The following TMPRSS9 variants were observed in gnomAD, a reference collection of about 807,000 sequenced individuals.
TMPRSS9 encodes transmembrane serine protease 9, also known as transmembrane protease serine 9.
Under a neutral mutation model 111.4 loss-of-function variants are expected in TMPRSS9, and 113 were observed. That is an observed-to-expected ratio of 1.01 (90% CI 0.87 to 1.19). The LOEUF (loss-of-function observed/expected upper bound fraction) is 1.19. Ranked by LOEUF, TMPRSS9 falls within the 50% of genes most tolerant of loss-of-function variation. The probability of loss-of-function intolerance (pLI) is 0.00; values close to 1 mark genes in which losing one functional copy is unlikely to be tolerated. For synonymous variants in TMPRSS9, 805 were observed against 659.1 expected, an observed-to-expected ratio of 1.22 and a Z score of -3.39; for missense variants, 1,803 against 1,513.1, an observed-to-expected ratio of 1.19 and a Z score of -3.18.
chr19:2,405,331 C>A (rs762729708), intron 6 of TMPRSS9, 43 bp from the exon 8 acceptor site: 7 of 1,544,812 alleles, frequency 4.5e-6, no homozygotes, highest in South Asian at 3.6e-5. Context: ...AGGGTGAGGT[C>A]CTGCCTTCGT....
rs545561295 is a variant in TMPRSS9 at position 2,418,250 on chromosome 19, C to T, written c.2154+112C>T. The T allele has an allele frequency of 5.3e-6, 6 of 1,136,728 alleles. 1 individual carries two copies. In the Admixed American group the frequency reaches 8.9e-5, roughly 17 times the overall value. 70.4% of individuals were successfully genotyped at this position (1,136,728 alleles called of 1,614,324 possible). A position where few individuals can be genotyped will look rare whatever the true frequency, so the allele number is the denominator to read the frequency against. ...ATTTTTTTCCTTTCTTTCCTTCCCCCCCTCCTTCCCTCCTTGTCCTTCCCT... is the reference window on the plus strand; with the variant it reads ...ATTTTTTTCCTTTCTTTCCTTCCCCTCCTCCTTCCCTCCTTGTCCTTCCCT... On this transcript the variant is annotated intron_variant, in intron 13 of 17. Coordinates refer to ENST00000648592, the Ensembl canonical transcript of TMPRSS9.
intron 14 of TMPRSS9, among the ~76,000 whole-genome samples, chr19:2,423,454 G>A (rs1038666738): frequency 8.0e-5 from 11 of 137,490 alleles, no homozygotes; most frequent in African/African-American, 1.3e-4. Flanking sequence ...GTTGGATGGC[G>A]GTTGGTGGGG....
At position 2,420,813 on chromosome 19, in the gene TMPRSS9, C is replaced by T. The variant is rs1006690786; in HGVS notation, c.2155-1041C>T. 2.6e-5 allele frequency among the ~76,000 whole-genome samples: 4 copies of T among 152,094 alleles called. No individual in the cohort carries two copies. In the South Asian group the frequency reaches 6.2e-4, roughly 24 times the overall value. On this transcript the variant is annotated intron_variant, in intron 13 of 17. Transcript: ENST00000648592. ...CATTATATTTGTTCTTTATATCTGA[C>T]AATAAAAATAGAATAATAGGTATTT...
At chr19:2,425,578 G>A in intron 17 of TMPRSS9, 85 bp downstream of exon 18, 5 of 1,401,408 alleles carry the variant, frequency 3.6e-6, no homozygotes, top group Non-Finnish European at 4.6e-6. Flanking sequence ...CCCACCATCC[G>A]GGAGCCACCC....
chr19:2,411,378 GA>G (rs1971092813), intron 9 of TMPRSS9, among the ~76,000 whole-genome samples: 1 of 142,714 alleles, frequency 7.0e-6, no homozygotes, highest in South Asian at 2.2e-4. Context: ...TGTATACCTG[GA>G]ACCTTCTTTT....
intron 14 of TMPRSS9, among the ~76,000 whole-genome samples, chr19:2,423,162 G>C (rs562878245): frequency 6.0e-4 from 91 of 152,014 alleles, no homozygotes; most frequent in African/African-American, 2.1e-3. Flanking sequence ...CCCTCATGTA[G>C]GTCTGTCCCT....
upstream of TMPRSS9, among the ~76,000 whole-genome samples, chr19:2,389,280 G>A (rs560700232): frequency 3.5e-4 from 53 of 151,010 alleles, no homozygotes; most frequent in Admixed American, 1.0e-3. Flanking sequence ...TCACCATGTT[G>A]GCCAGGCTGG....
intron 1 of TMPRSS9, among the ~76,000 whole-genome samples, chr19:2,363,823 T>TGAGAGA (rs796275292): frequency 9.3e-6 from 1 of 107,018 alleles, no homozygotes; most frequent in Non-Finnish European, 1.9e-5. Context: ...CGTGTGTGTG[T>TGAGAGA]GAGAGAGAGA....
At chr19:2,412,857 C>G (rs1971125224) in intron 9 of TMPRSS9, among the ~76,000 whole-genome samples, 1 of 152,082 alleles carries the variant, frequency 6.6e-6, no homozygotes, top group Non-Finnish European at 1.5e-5. Flanking sequence ...AAACCAGAAT[C>G]TGGAGAAAAT....
At chr19:2,379,825 C>A (rs934901822) in intron 1 of TMPRSS9, among the ~76,000 whole-genome samples, 2 of 151,382 alleles carry the variant, frequency 1.3e-5, no homozygotes, top group South Asian at 4.2e-4. Flanking sequence ...GGCACAATCA[C>A]ACCTCACTGT....
At chr19:2,378,844 C>G (rs1568170499) in intron 1 of TMPRSS9, among the ~76,000 whole-genome samples, 1 of 152,188 alleles carries the variant, frequency 6.6e-6, no homozygotes, top group African/African-American at 2.4e-5. Flanking sequence ...GCAAACATGT[C>G]CTTCTTCACA....
intron 1 of TMPRSS9, among the ~76,000 whole-genome samples, chr19:2,365,879 G>T (rs1197675900): frequency 1.3e-5 from 2 of 152,172 alleles, no homozygotes; most frequent in African/African-American, 2.4e-5. Flanking sequence ...TGGGAGGATT[G>T]CTTCAACCCA....
Position 2,365,067 on chromosome 19 carries a change from A to G in TMPRSS9, c.-26+4707A>G, listed in dbSNP as rs141551368. On this transcript the variant is annotated intron_variant, in intron 1 of 17. Coordinates refer to the TMPRSS9 transcript ENST00000649857. ...ATATTTCTGTTCTACGTTGCAATCC[A>G]GGATCCCACATTGCATTTAGGAGCT... 1.9e-3 allele frequency among the ~76,000 whole-genome samples: 284 copies of G among 152,186 alleles called. 3 individuals carry two copies. Among genetic ancestry groups the G allele is most frequent in the African/African-American group, 6.4e-3 (264 of 41,526 alleles).
intron 9 of TMPRSS9, among the ~76,000 whole-genome samples, chr19:2,411,399 TC>T (rs1437041901): frequency 3.1e-4 from 38 of 120,644 alleles, no homozygotes; most frequent in African/African-American, 8.9e-4. Context: ...TTCTTCTTCT[TC>T]TTTTTTTTTT....
chr19:2,400,997 G>T (rs1178954660), intron 4 of TMPRSS9, among the ~76,000 whole-genome samples: 1 of 145,876 alleles, frequency 6.9e-6, no homozygotes, highest in African/African-American at 2.6e-5. Context: ...AAAAATGGCC[G>T]GGCGCGGTGG....
chr19:2,419,893 G>A (rs184112009), intron 13 of TMPRSS9, among the ~76,000 whole-genome samples: 2 of 152,300 alleles, frequency 1.3e-5, no homozygotes, highest in Non-Finnish European at 2.9e-5. Flanking sequence ...TGGGTGCAGT[G>A]CCTCATGCCT....
chr19:2,376,828 C>T (rs941454504), intron 1 of TMPRSS9, among the ~76,000 whole-genome samples: 1 of 152,144 alleles, frequency 6.6e-6, no homozygotes, highest in Non-Finnish European at 1.5e-5. Flanking sequence ...AAGGCTCTTT[C>T]TGACCTTTGC....
exon 8 of TMPRSS9, chr19:2,408,436 A>C (rs1290359912): frequency 6.2e-7 from 1 of 1,613,734 alleles, no homozygotes; most frequent in Non-Finnish European, 8.5e-7. Context: ...GTGCGGGCCC[A>C]GGTGGTCCAG....
At chr19:2,371,651 C>G (rs4134441) in intron 1 of TMPRSS9, among the ~76,000 whole-genome samples, 25,511 of 151,444 alleles carry the variant, frequency 0.17, 3,387 homozygotes, top group African/African-American at 0.36. Flanking sequence ...GAGCCAACAT[C>G]GTGCCACTGC....
Sources: gnomAD v4.1 joint callset for allele counts (sites outside exome capture counted in the v4.1 genomes callset) on GRCh38, gnomAD v4.1.1 for gene constraint, MANE v1.5 for transcripts, NCBI Gene and HGNC (gene_info 2026-07-23, HGNC 2026-07-21) for gene names.